AKAP19: variants seen among roughly 807,000 people sequenced by gnomAD.
AKAP19 encodes the protein small A-kinase anchoring protein.
the AKAP19 span, among the ~76,000 whole-genome samples, chr2:190,140,796 C>T: frequency 3.9e-5 from 6 of 152,188 alleles, no homozygotes; most frequent in Admixed American, 1.3e-4. Flanking sequence ...TTTGGCTCCT[C>T]ATTACCTATG....
chr2:189,954,668 C>T, the AKAP19 span, among the ~76,000 whole-genome samples: 1 of 152,136 alleles, frequency 6.6e-6, no homozygotes, highest in African/African-American at 2.4e-5. Flanking sequence ...ATTTTTGCAT[C>T]ATTTTTATCA....
the AKAP19 span, among the ~76,000 whole-genome samples, chr2:190,047,606 C>T: frequency 1.3e-5 from 2 of 152,182 alleles, no homozygotes; most frequent in Non-Finnish European, 2.9e-5. Context: ...TCCATAGTTC[C>T]CGCAGTAGTA....
At chr2:190,194,392 A>G in the AKAP19 span, among the ~76,000 whole-genome samples, 2 of 151,320 alleles carry the variant, frequency 1.3e-5, no homozygotes, top group Non-Finnish European at 2.9e-5. Context: ...TGTATTTTTT[A>G]AAAAAATAAT....
the AKAP19 span, among the ~76,000 whole-genome samples, chr2:190,082,406 T>C: frequency 6.6e-6 from 1 of 152,230 alleles, no homozygotes; most frequent in Non-Finnish European, 1.5e-5. Context: ...CAACCCTTTA[T>C]GTGAAATAAA....
the AKAP19 span, among the ~76,000 whole-genome samples, chr2:189,909,380 T>G: frequency 6.6e-6 from 1 of 152,044 alleles, no homozygotes; most frequent in African/African-American, 2.4e-5. Context: ...AAAGACTTAT[T>G]GTTTATCATG....
At chr2:190,028,804 C>T in the AKAP19 span, among the ~76,000 whole-genome samples, 2 of 151,986 alleles carry the variant, frequency 1.3e-5, no homozygotes, top group Non-Finnish European at 1.5e-5. Context: ...TGGAAAAAAC[C>T]TATATATCTT....
the AKAP19 span, among the ~76,000 whole-genome samples, chr2:189,975,191 C>A: frequency 3.9e-5 from 6 of 152,284 alleles, no homozygotes; most frequent in African/African-American, 1.4e-4. Context: ...GAAAAAATCT[C>A]TCAGCATTTG....
chr2:189,925,321 T>C, the AKAP19 span, among the ~76,000 whole-genome samples: 18 of 152,288 alleles, frequency 1.2e-4, no homozygotes, highest in East Asian at 9.6e-4. Context: ...CTTTATAAAA[T>C]ATAACTTATG....
chr2:189,964,746 C>T, the AKAP19 span, among the ~76,000 whole-genome samples: 1 of 152,208 alleles, frequency 6.6e-6, no homozygotes, highest in Non-Finnish European at 1.5e-5. Flanking sequence ...CTTTATCTCT[C>T]TCAACTTTCA....
the AKAP19 span, among the ~76,000 whole-genome samples, chr2:189,991,190 C>A: frequency 6.6e-6 from 1 of 152,106 alleles, no homozygotes. Context: ...ATAATGACTT[C>A]TTTTACTCTG....
the AKAP19 span, among the ~76,000 whole-genome samples, chr2:190,148,256 G>T: frequency 6.6e-6 from 1 of 152,154 alleles, no homozygotes; most frequent in East Asian, 1.9e-4. Flanking sequence ...TGCATCTATT[G>T]AGATGATCAT....
At chr2:190,144,171 TAAAAG>T in the AKAP19 span, among the ~76,000 whole-genome samples, 222 of 51,772 alleles carry the variant, frequency 4.3e-3, 2 homozygotes, top group African/African-American at 0.01. Context: ...TAAAGTATAA[TAAAAG>T]AAAAGAAAAG....
the AKAP19 span, among the ~76,000 whole-genome samples, chr2:189,912,436 G>T: frequency 6.6e-6 from 1 of 152,140 alleles, no homozygotes; most frequent in African/African-American, 2.4e-5. Flanking sequence ...AGCTACTGGG[G>T]TGGCTGAGGC....
the AKAP19 span, among the ~76,000 whole-genome samples, chr2:189,964,582 T>G: frequency 6.6e-6 from 1 of 152,252 alleles, no homozygotes. Flanking sequence ...TGTAGCCACC[T>G]TCATCAATGA....
the AKAP19 span, among the ~76,000 whole-genome samples, chr2:189,941,095 C>G: frequency 1.3e-5 from 2 of 152,170 alleles, no homozygotes; most frequent in African/African-American, 4.8e-5. Context: ...AGTGTAGTGA[C>G]ATTTTCTAAC....
At chr2:189,893,073 C>T in the AKAP19 span, among the ~76,000 whole-genome samples, 6 of 152,108 alleles carry the variant, frequency 3.9e-5, no homozygotes, top group Admixed American at 1.3e-4. Flanking sequence ...TAATGGCCGT[C>T]GCCCCTCCCC....
At chr2:190,026,442 A>C in the AKAP19 span, among the ~76,000 whole-genome samples, 1 of 152,178 alleles carries the variant, frequency 6.6e-6, no homozygotes, top group Non-Finnish European at 1.5e-5. Flanking sequence ...TAACACAGAA[A>C]GTTTTAATAT....
chr2:190,129,816 G>A, the AKAP19 span, among the ~76,000 whole-genome samples: 1 of 152,100 alleles, frequency 6.6e-6, no homozygotes, highest in Non-Finnish European at 1.5e-5. Context: ...TATCTCTAAA[G>A]AGAACTGGCT....
At chr2:190,070,092 T>C in the AKAP19 span, among the ~76,000 whole-genome samples, 2 of 152,202 alleles carry the variant, frequency 1.3e-5, no homozygotes, top group Non-Finnish European at 2.9e-5. Context: ...CAGCGCTCAA[T>C]TTCCTGGGTC....
Sources: allele counts gnomAD v4.1 joint callset (sites outside exome capture counted in the v4.1 genomes callset), GRCh38; gene constraint gnomAD v4.1.1; transcripts MANE v1.5; gene names NCBI Gene and HGNC (gene_info 2026-07-23, HGNC 2026-07-21).